Variants in DCHS2 observed in about 807,000 individuals in gnomAD.
DCHS2 encodes the protein protocadherin-23.
Under a neutral mutation model 182.4 loss-of-function variants are expected in DCHS2, and 142 were observed. That is an observed-to-expected ratio of 0.78 (90% CI 0.68 to 0.89). DCHS2 has a LOEUF of 0.89. DCHS2 is among the 40% of genes least tolerant of loss of function. The probability of loss-of-function intolerance (pLI) is 0.00; values close to 1 mark genes in which losing one functional copy is unlikely to be tolerated. For missense variants in DCHS2, 4,319 were observed against 4,198.6 expected, an observed-to-expected ratio of 1.03 and a Z score of -0.79; for synonymous variants, 1,740 against 1,663.3, an observed-to-expected ratio of 1.05 and a Z score of -1.12.
At chr4:154,280,621 A>G (rs2111233384) in intron 13 of DCHS2, among the ~76,000 whole-genome samples, 1 of 152,298 alleles carries the variant, frequency 6.6e-6, no homozygotes, top group South Asian at 2.1e-4. Flanking sequence ...AAAAATAAAA[A>G]TTACATGATC....
At chr4:154,272,994 G>A (rs1733667819) in intron 13 of DCHS2, among the ~76,000 whole-genome samples, 1 of 152,004 alleles carries the variant, frequency 6.6e-6, no homozygotes, top group Non-Finnish European at 1.5e-5. Flanking sequence ...CTACGCTGTT[G>A]GTGAAAATGT....
intron 13 of DCHS2, among the ~76,000 whole-genome samples, chr4:154,293,239 G>A (rs955992911): frequency 6.6e-6 from 1 of 151,758 alleles, no homozygotes; most frequent in African/African-American, 2.4e-5. Flanking sequence ...TTTCGCTCTT[G>A]TTGCCCAGGC....
intron 1 of DCHS2, among the ~76,000 whole-genome samples, chr4:154,474,318 T>A (rs2111024475): frequency 6.6e-6 from 1 of 152,304 alleles, no homozygotes. Context: ...GATGGCCCAG[T>A]GCCCTGCCCA....
intron 1 of DCHS2, among the ~76,000 whole-genome samples, chr4:154,422,434 G>A (rs1733149528): frequency 6.6e-6 from 1 of 152,070 alleles, no homozygotes. Flanking sequence ...CACTCCATCA[G>A]CAAGTTCTAT....
In DCHS2 at chr4:154,377,260, T is replaced by C. The variant is rs758183960; in HGVS notation, c.2237A>G (p.Lys746Arg). The C allele has an allele frequency of 1.9e-5, 31 of 1,613,084 alleles. No individual in the cohort carries two copies. In the South Asian group the frequency reaches 3.3e-4, roughly 17 times the overall value. ...TCATACATAAAAACTTACCCCATCC[T>C]TAGCTTCCACCAGGAGATCATAGGT... The part of the protein sequence containing the change: ...PATYDLLVEA[K>R]DGGGLSAQAF... The change falls in exon 2 of 20, where the codon AAG becomes AGG. Residue 746 changes from lysine to arginine, a missense_variant. Transcript: ENST00000357232.
intron 1 of DCHS2, among the ~76,000 whole-genome samples, chr4:154,403,860 T>G (rs1004472268): frequency 6.6e-6 from 1 of 152,202 alleles, no homozygotes; most frequent in African/African-American, 2.4e-5. Flanking sequence ...GTCCATTTCA[T>G]GTAAGTTGTC....
Position 154,235,501 on chromosome 4 carries a change from C to G in DCHS2, c.9151G>C (p.Ala3051Pro). The G allele has an allele frequency of 1.2e-6, 2 of 1,614,090 alleles. No individual in the cohort carries two copies. Among genetic ancestry groups the G allele is most frequent in the Non-Finnish European group, 1.7e-6 (2 of 1,179,980 alleles). Residue 3051 changes from alanine (A) to proline (P), a missense_variant, in exon 20 of 20, where the codon GCC (alanine) becomes CCC (proline). Physicochemically the swap from Ala to Pro is conservative, Grantham distance 27. Transcript: ENST00000357232. ...CTGCAGTCGTCAGTTTTCTGGAAGG[C>G]TTTGAGCACACTGGCATCCCGGGTC... Reference protein sequence around the residue: ...RVTRDASVLKAFQKTDDCSNE... With the variant: ...RVTRDASVLKPFQKTDDCSNE...
intron 1 of DCHS2, among the ~76,000 whole-genome samples, chr4:154,402,650 G>A (rs1579050313): frequency 6.6e-6 from 1 of 152,184 alleles, no homozygotes; most frequent in African/African-American, 2.4e-5. Context: ...CATGGCAGCA[G>A]GGACTTGCCT....
intron 1 of DCHS2, among the ~76,000 whole-genome samples, chr4:154,388,613 G>A (rs1220200568): frequency 6.6e-6 from 1 of 150,880 alleles, no homozygotes; most frequent in East Asian, 1.9e-4. Context: ...TCCTGCCTCA[G>A]CCTCCTGAGT....
chr4:154,346,251 A>C (rs1346567009), intron 3 of DCHS2, among the ~76,000 whole-genome samples: 1 of 152,204 alleles, frequency 6.6e-6, no homozygotes, highest in Admixed American at 6.5e-5. Flanking sequence ...CTCCAGATCA[A>C]ATATTTACAT....
At chr4:154,484,404 A>C (rs911987433) in intron 1 of DCHS2, among the ~76,000 whole-genome samples, 1 of 152,052 alleles carries the variant, frequency 6.6e-6, no homozygotes, top group Non-Finnish European at 1.5e-5. Flanking sequence ...TCTCCCATGT[A>C]TTTCCATAAT....
intron 1 of DCHS2, among the ~76,000 whole-genome samples, chr4:154,460,751 A>C (rs1322294003): frequency 6.6e-6 from 1 of 152,186 alleles, no homozygotes; most frequent in African/African-American, 2.4e-5. Context: ...GAAGTCAATA[A>C]ATCTTAGCTA....
Position 154,366,351 on chromosome 4 carries a change from T to TG in DCHS2, c.2334_2335insC (p.Ser779GlnfsTer4). The stretch of plus-strand genomic sequence containing the variant: ...CCTGGCTGGGTCTCATCACTGATGC[T>TG]CGTCACATAGGTTGATGGGTTAAAC... On this transcript the variant is annotated frameshift_variant, in exon 3 of 20. Coordinates refer to ENST00000357232, the MANE Select transcript of DCHS2 (RefSeq NM_001358235.2). LOFTEE classifies it high-confidence loss of function. 6 of 1,613,880 alleles carry TG rather than the reference T, an allele frequency of 3.7e-6. No homozygotes were observed. The highest frequency in any genetic ancestry group is 4.2e-6 in the Non-Finnish European group (5 of 1,179,922).
intron 3 of DCHS2, among the ~76,000 whole-genome samples, chr4:154,336,913 A>G (rs1728839001): frequency 6.6e-6 from 1 of 152,186 alleles, no homozygotes; most frequent in Non-Finnish European, 1.5e-5. Flanking sequence ...TTGATAACCA[A>G]AGTGAACAAA....
intron 3 of DCHS2, among the ~76,000 whole-genome samples, chr4:154,363,266 T>G (rs1730206565): frequency 6.6e-6 from 1 of 152,182 alleles, no homozygotes; most frequent in African/African-American, 2.4e-5. Flanking sequence ...TACACTAGTA[T>G]GTTCATTGCA....
intron 10 of DCHS2, among the ~76,000 whole-genome samples, chr4:154,308,819 T>C (rs1433934742): frequency 1.3e-5 from 2 of 152,178 alleles, no homozygotes. Context: ...CTCATGGTGC[T>C]TACAATATAG....
At chr4:154,480,026 A>G (rs1735859601) in intron 1 of DCHS2, among the ~76,000 whole-genome samples, 1 of 152,234 alleles carries the variant, frequency 6.6e-6, no homozygotes, top group Admixed American at 6.5e-5. Context: ...TACTTAAAAT[A>G]ATCTATACTT....
At chr4:154,488,629 G>A (rs571540728) in intron 1 of DCHS2, among the ~76,000 whole-genome samples, 11 of 152,074 alleles carry the variant, frequency 7.2e-5, no homozygotes, top group East Asian at 5.8e-4. Context: ...ATTGCTGGGC[G>A]TGGTGGCTCA....
intron 1 of DCHS2, among the ~76,000 whole-genome samples, chr4:154,467,721 C>A (rs1298980677): frequency 1.3e-5 from 2 of 152,048 alleles, no homozygotes; most frequent in Non-Finnish European, 2.9e-5. Context: ...ACGAAAATTA[C>A]ACCTAATGGC....
Sources: allele counts gnomAD v4.1 joint callset (sites outside exome capture counted in the v4.1 genomes callset), GRCh38; gene constraint gnomAD v4.1.1; transcripts MANE v1.5; gene names NCBI Gene and HGNC (gene_info 2026-07-23, HGNC 2026-07-21).